Variants in PITPNM2 observed in about 807,000 individuals in gnomAD.
PITPNM2 encodes phosphatidylinositol transfer protein membrane associated 2, also known as membrane-associated phosphatidylinositol transfer protein 2.
In PITPNM2, 35 loss-of-function variants were observed where a neutral mutation model predicts 132.2. The observed-to-expected ratio is 0.26, with a 90% CI of 0.20 to 0.35. The LOEUF (loss-of-function observed/expected upper bound fraction) is 0.35. PITPNM2 is among the 10% of genes least tolerant of loss of function. PITPNM2 has a pLI of 1.00. For synonymous variants in PITPNM2, 738 were observed against 799.2 expected, an observed-to-expected ratio of 0.92 and a Z score of 1.29; for missense variants, 1,332 against 1,912.0, an observed-to-expected ratio of 0.70 and a Z score of 5.66.
At chr12:123,059,278 T>G (rs1473879672) in intron 2 of PITPNM2, among the ~76,000 whole-genome samples, 4 of 152,204 alleles carry the variant, frequency 2.6e-5, no homozygotes, top group Admixed American at 6.5e-5. Context: ...GCTCAGCCCC[T>G]GCCCCTTTCC....
At chr12:123,133,328 G>A (rs1479846925) in intron 1 of PITPNM2, among the ~76,000 whole-genome samples, 1 of 152,204 alleles carries the variant, frequency 6.6e-6, no homozygotes, top group Non-Finnish European at 1.5e-5. Context: ...CTGCCATTGT[G>A]TACAGAGCAG....
intron 3 of PITPNM2, among the ~76,000 whole-genome samples, chr12:123,019,773 C>A (rs1421678795): frequency 6.6e-6 from 1 of 152,248 alleles, no homozygotes; most frequent in African/African-American, 2.4e-5. Context: ...ATCATCCCTG[C>A]TCCAGACTTG....
chr12:123,032,509 A>AAAC (rs1467599404), intron 3 of PITPNM2, among the ~76,000 whole-genome samples: 1 of 135,160 alleles, frequency 7.4e-6, no homozygotes, highest in Non-Finnish European at 1.6e-5. Flanking sequence ...AACAAACAAA[A>AAAC]ACCTGGAGTG....
In PITPNM2 at chr12:123,109,544, C is replaced by T. The variant is rs892673334; in HGVS notation, c.-96+841G>A. On this transcript the variant is annotated intron_variant, in intron 2 of 25. Transcript: ENST00000320201. ...ATCCAGAGGGATGGTGCATTAAAAACCACACTCATGCTTGTTTCTGGGCCA... is the reference window on the plus strand; with the variant it reads ...ATCCAGAGGGATGGTGCATTAAAAATCACACTCATGCTTGTTTCTGGGCCA... Among the ~76,000 whole-genome samples the T allele has an allele frequency of 2.6e-5, 4 of 152,218 alleles. No individual in the cohort carries two copies. The East Asian group carries it at 7.7e-4, about 29-fold the overall frequency.
Position 123,034,445 on chromosome 12 carries a change from A to T in PITPNM2, c.78+68T>A, listed in dbSNP as rs182004762. ...TGAAGGCCACAACTCCACCTAACCCACATGTGGTGTCTGTGCGCTGGCGCG... is the reference window on the plus strand; with the variant it reads ...TGAAGGCCACAACTCCACCTAACCCTCATGTGGTGTCTGTGCGCTGGCGCG... On this transcript the variant is annotated intron_variant, in intron 3 of 25. Transcript: ENST00000320201. The T allele has an allele frequency of 2.8e-6, 4 of 1,444,444 alleles. No homozygotes were observed. The East Asian group carries it at 9.1e-5, about 33-fold the overall frequency. 89.5% of individuals were successfully genotyped at this position (1,444,444 alleles called of 1,614,324 possible).
intron 18 of PITPNM2, 67 bp from the exon 19 acceptor site, chr12:122,988,939 C>G: frequency 1.4e-6 from 2 of 1,459,126 alleles, no homozygotes; most frequent in Non-Finnish European, 1.8e-6. Context: ...AAGGGTCACC[C>G]GGCCCCTCTG....
chr12:123,134,523 T>C (rs1030782493), intron 1 of PITPNM2, among the ~76,000 whole-genome samples: 2 of 152,186 alleles, frequency 1.3e-5, no homozygotes, highest in Non-Finnish European at 2.9e-5. Context: ...ACAACCGTTC[T>C]TGCACACACA....
At chr12:123,029,680 C>T (rs528540381) in intron 3 of PITPNM2, among the ~76,000 whole-genome samples, 1 of 151,558 alleles carries the variant, frequency 6.6e-6, no homozygotes, top group South Asian at 2.1e-4. Flanking sequence ...TGCATGTACA[C>T]ATGTGCACAT....
chr12:122,988,955 C>A, intron 18 of PITPNM2, 83 bp from the exon 19 acceptor site: 2 of 1,409,686 alleles, frequency 1.4e-6, no homozygotes, highest in South Asian at 1.5e-5. Flanking sequence ...CTCTGGCCTG[C>A]TCAGCCCAGC....
chr12:123,006,326 C>T (rs960291772), intron 6 of PITPNM2, among the ~76,000 whole-genome samples: 7 of 151,558 alleles, frequency 4.6e-5, no homozygotes, highest in African/African-American at 1.7e-4. Context: ...ATATTATGCA[C>T]GTGAGATATA....
chr12:123,147,592 G>A (rs1432534269), intron 1 of PITPNM2, among the ~76,000 whole-genome samples: 2 of 152,166 alleles, frequency 1.3e-5, no homozygotes, highest in African/African-American at 4.8e-5. Flanking sequence ...AGACAGTTCA[G>A]GAAAGCAGCA....
At chr12:123,085,508 G>A (rs2042086949) in intron 2 of PITPNM2, among the ~76,000 whole-genome samples, 6 of 152,154 alleles carry the variant, frequency 3.9e-5, no homozygotes. Context: ...TACTGGGGGT[G>A]AGGAAAAGGG....
In PITPNM2 at chr12:123,064,306, G is replaced by T. The variant is rs1045134103; in HGVS notation, c.-95-29621C>A. Among the ~76,000 whole-genome samples, 5 of 152,206 alleles carry T rather than the reference G, an allele frequency of 3.3e-5. No homozygotes were observed. Among genetic ancestry groups the T allele is most frequent in the Non-Finnish European group, 7.4e-5 (5 of 68,026 alleles). ...CATCGGGCAAGTCAGTAGCAGGGAA[G>T]GGATGAGAACTCCTCATTCTGGGCC... On this transcript the variant is annotated intron_variant, in intron 2 of 25. Transcript: ENST00000320201. The surrounding 1 kb of genome is among the most constrained non-coding windows in gnomAD (Gnocchi z 4.0).
rs963565536 is a variant in PITPNM2 at position 123,106,028 on chromosome 12, C to T, written c.-96+4357G>A. Reference sequence around the variant, plus strand: ...GTGAAACAGACCCATGCCCATCCCCCTGCAAGCATGGTATGCCTGCGCAAA... The same window carrying T: ...GTGAAACAGACCCATGCCCATCCCCTTGCAAGCATGGTATGCCTGCGCAAA... On this transcript the variant is annotated intron_variant, in intron 2 of 25. Transcript: ENST00000320201. This position sits in a 1 kb window ranked among gnomAD's most constrained non-coding sequence, Gnocchi z 4.4. Among the ~76,000 whole-genome samples, 5 of 152,188 alleles carry T rather than the reference C, an allele frequency of 3.3e-5. No homozygotes were observed. Among genetic ancestry groups the T allele is most frequent in the African/African-American group, 1.2e-4 (5 of 41,438 alleles).
chr12:123,068,444 T>C (rs907449104), intron 2 of PITPNM2, among the ~76,000 whole-genome samples: 1 of 150,154 alleles, frequency 6.7e-6, no homozygotes, highest in African/African-American at 2.5e-5. Flanking sequence ...CGAGACTCCA[T>C]CTCCAAAAAA....
chr12:123,012,597 T>C lies in PITPNM2; in HGVS notation c.415+16A>G. On this transcript the variant is annotated intron_variant, in intron 5 of 25. Transcript: ENST00000320201. ...CCCAGAGTACAGCCCTGTGGGGCTC[T>C]GCCCTTCCTGGTTACCGATTGTCAG... 6.2e-7 allele frequency: 1 copy of C among 1,613,856 alleles called. No homozygotes were observed. Among genetic ancestry groups the C allele is most frequent in the Non-Finnish European group, 8.5e-7 (1 of 1,179,762 alleles).
intron 3 of PITPNM2, among the ~76,000 whole-genome samples, chr12:123,025,620 T>C (rs1471681107): frequency 1.3e-5 from 2 of 152,050 alleles, no homozygotes; most frequent in South Asian, 2.1e-4. Flanking sequence ...TTACTAGAGA[T>C]GGGGTTTCAC....
intron 2 of PITPNM2, chr12:123,091,077 G>A (rs926794284): frequency 2.6e-5 from 4 of 152,214 alleles, no homozygotes; most frequent in African/African-American, 9.7e-5. Context: ...CACTCACACG[G>A]TTACCACCTT....
At chr12:123,014,386 A>G (rs2039338853) in intron 3 of PITPNM2, among the ~76,000 whole-genome samples, 1 of 152,238 alleles carries the variant, frequency 6.6e-6, no homozygotes, top group African/African-American at 2.4e-5. Context: ...AGTTCTAGCT[A>G]AAGCAATTAG....
Sources: allele counts gnomAD v4.1 joint callset (sites outside exome capture counted in the v4.1 genomes callset), GRCh38; gene constraint gnomAD v4.1.1; non-coding constraint Gnocchi (gnomAD v3.1); transcripts MANE v1.5; gene names NCBI Gene and HGNC (gene_info 2026-07-23, HGNC 2026-07-21).